PTBP3: variants seen among roughly 807,000 people sequenced by gnomAD.
The protein encoded by PTBP3 is polypyrimidine tract-binding protein 3.
PTBP3 carries 20 observed loss-of-function variants against 58.7 expected under a neutral mutation model. The observed-to-expected ratio is 0.34, with a 90% CI of 0.24 to 0.50. PTBP3 has a LOEUF of 0.50. PTBP3 is among the 20% of genes least tolerant of loss of function. The probability of loss-of-function intolerance (pLI) is 0.98; values close to 1 mark genes in which losing one functional copy is unlikely to be tolerated. For synonymous variants in PTBP3, 185 were observed against 219.8 expected (o/e 0.84, Z 1.40); for missense variants, 509 against 637.2 (o/e 0.80, Z 2.17).
At chr9:112,294,341 A>T (rs1219549360) in intron 2 of PTBP3, among the ~76,000 whole-genome samples, 5 of 152,162 alleles carry the variant, frequency 3.3e-5, no homozygotes, top group Non-Finnish European at 7.4e-5. Context: ...CAACATAGTA[A>T]GGCCCCATCT....
chr9:112,370,970 T>C, the PTBP3 span, among the ~76,000 whole-genome samples: 1 of 152,184 alleles, frequency 6.6e-6, no homozygotes, highest in Non-Finnish European at 1.5e-5. Context: ...ATATTCTGCC[T>C]CCTACAACCT....
chr9:112,268,575 G>A (rs1203066263), intron 3 of PTBP3, among the ~76,000 whole-genome samples: 5 of 151,518 alleles, frequency 3.3e-5, no homozygotes, highest in Non-Finnish European at 7.4e-5. Context: ...ACATGGCTGT[G>A]GTCCCAGCTA....
At chr9:112,275,643 G>A (rs1234073649) in intron 3 of PTBP3, among the ~76,000 whole-genome samples, 2 of 152,060 alleles carry the variant, frequency 1.3e-5, no homozygotes, top group Middle Eastern at 3.4e-3. Context: ...ATAAGTCAAT[G>A]GATAAGAGAA....
upstream of PTBP3, among the ~76,000 whole-genome samples, chr9:112,336,408 C>T (rs935525943): frequency 1.1e-4 from 17 of 151,712 alleles, no homozygotes; most frequent in African/African-American, 4.1e-4. Flanking sequence ...CCTTTATAGC[C>T]TTTATAATTC....
At chr9:112,269,763 T>A (rs1436284705) in intron 3 of PTBP3, among the ~76,000 whole-genome samples, 2 of 152,222 alleles carry the variant, frequency 1.3e-5, no homozygotes, top group Non-Finnish European at 2.9e-5. Context: ...CTGAAAAGCA[T>A]CCTTGTAAAA....
intron 3 of PTBP3, among the ~76,000 whole-genome samples, chr9:112,271,801 T>A (rs568593554): frequency 1.4e-4 from 22 of 152,260 alleles, no homozygotes; most frequent in Non-Finnish European, 2.5e-4. Context: ...GAATATTTTT[T>A]AAAAATAAGG....
At position 112,222,991 on chromosome 9, in the gene PTBP3, A is replaced by G; in HGVS notation, c.*860T>C. On this transcript the variant is annotated 3_prime_UTR_variant, in exon 14 of 14. Coordinates refer to ENST00000374257, the MANE Select transcript of PTBP3 (RefSeq NM_001163788.4). ...ACTGTAAACTTTTTTTCTGAAAACAATTATAAAAAAGTAGTTTATAAGTAG... is the reference window on the plus strand; with the variant it reads ...ACTGTAAACTTTTTTTCTGAAAACAGTTATAAAAAAGTAGTTTATAAGTAG... 1.2e-6 allele frequency: 1 copy of G among 849,684 alleles called. No homozygotes were observed. Among genetic ancestry groups the G allele is most frequent in the Non-Finnish European group, 1.4e-6 (1 of 706,136 alleles). 52.6% of individuals were successfully genotyped at this position (849,684 alleles called of 1,614,324 possible).
the PTBP3 span, among the ~76,000 whole-genome samples, chr9:112,349,554 ATCTCTACATATAGTGTGC>A: frequency 5.6e-3 from 851 of 152,130 alleles, 46 homozygotes; most frequent in East Asian, 0.14. Flanking sequence ...ATTTGACACT[ATCTCTACATATAGTGTGC>A]AATTTACCAG....
Position 112,222,117 on chromosome 9 carries a change from C to A in PTBP3, c.*1734G>T, listed in dbSNP as rs1337909051. Reference sequence around the variant, plus strand: ...CATGCCCAGCAAGATATTCTTTATTCTTTTAAAAGTTGAGATGAGACACTT... The same window carrying A: ...CATGCCCAGCAAGATATTCTTTATTATTTTAAAAGTTGAGATGAGACACTT... On this transcript the variant is annotated 3_prime_UTR_variant, in exon 14 of 14. Coordinates refer to ENST00000374257, the MANE Select transcript of PTBP3 (RefSeq NM_001163788.4). The A allele has an allele frequency of 4.1e-6, 4 of 985,576 alleles. No homozygotes were observed. Among genetic ancestry groups the A allele is most frequent in the Non-Finnish European group, 4.8e-6 (4 of 829,706 alleles). The allele number at this position is 985,576 out of a possible 1,614,324, so 61.1% of individuals were successfully genotyped here. A position where few individuals can be genotyped will look rare whatever the true frequency, so the allele number is the denominator to read the frequency against.
At chr9:112,329,934 T>G (rs576913088) in intron 1 of PTBP3, among the ~76,000 whole-genome samples, 2 of 150,396 alleles carry the variant, frequency 1.3e-5, no homozygotes, top group East Asian at 3.9e-4. Flanking sequence ...CAGCCTTGAC[T>G]TCCCGGGCTC....
intron 1 of PTBP3, among the ~76,000 whole-genome samples, chr9:112,315,946 T>C (rs1829686815): frequency 6.6e-6 from 1 of 152,202 alleles, no homozygotes; most frequent in Admixed American, 6.5e-5. Context: ...GATAAAAATT[T>C]TGAGATAGTG....
chr9:112,280,947 C>A (rs913656140), intron 2 of PTBP3: 1 of 152,056 alleles, frequency 6.6e-6, no homozygotes, highest in African/African-American at 2.4e-5. Context: ...TGGGCAGCTT[C>A]ATATTGATGC....
At chr9:112,359,673 G>A in the PTBP3 span, among the ~76,000 whole-genome samples, 1 of 152,058 alleles carries the variant, frequency 6.6e-6, no homozygotes, top group Non-Finnish European at 1.5e-5. Flanking sequence ...CATGGTGGCA[G>A]GTGCCTGTAA....
chr9:112,280,594 G>A (rs1827813096), intron 2 of PTBP3, among the ~76,000 whole-genome samples: 1 of 152,170 alleles, frequency 6.6e-6, no homozygotes, highest in South Asian at 2.1e-4. Context: ...TATCACAAAA[G>A]GAGTTGAATT....
intron 2 of PTBP3, among the ~76,000 whole-genome samples, chr9:112,277,177 T>C (rs1020111005): frequency 2.0e-5 from 3 of 152,164 alleles, no homozygotes; most frequent in Non-Finnish European, 4.4e-5. Flanking sequence ...AAACTAGCAC[T>C]TGCTCCCAAA....
intron 4 of PTBP3, 136 bp downstream of exon 4, chr9:112,267,913 A>T (rs757328909): frequency 2.1e-5 from 16 of 748,916 alleles, no homozygotes; most frequent in Non-Finnish European, 2.9e-5. Context: ...GGGGGGAAGA[A>T]TTTACATATA....
At chr9:112,315,720 C>T (rs192991004) in intron 1 of PTBP3, among the ~76,000 whole-genome samples, 5 of 152,202 alleles carry the variant, frequency 3.3e-5, no homozygotes, top group African/African-American at 9.7e-5. Context: ...CAAATAGCTA[C>T]ACTGATGAAT....
At chr9:112,369,898 C>A in the PTBP3 span, among the ~76,000 whole-genome samples, 3 of 152,060 alleles carry the variant, frequency 2.0e-5, no homozygotes, top group Admixed American at 1.3e-4. Context: ...GGCCAGTTTT[C>A]CCATGCTTTT....
Position 112,317,126 on chromosome 9 carries a change from T to G in PTBP3, c.-52+16344A>C, listed in dbSNP as rs561726852. The stretch of plus-strand genomic sequence containing the variant: ...AAAACCCCATCTCTACAAAAAATGT[T>G]TTTAAAACATTAGCTGGGCACGGTG... On this transcript the variant is annotated intron_variant, in intron 1 of 13. Coordinates refer to ENST00000374257, the MANE Select transcript of PTBP3 (RefSeq NM_001163788.4). Among the ~76,000 whole-genome samples the G allele has an allele frequency of 2.6e-5, 4 of 151,436 alleles. No individual in the cohort carries two copies. In the South Asian group the frequency reaches 8.4e-4, roughly 32 times the overall value.
Sources: gnomAD v4.1 joint callset for allele counts (sites outside exome capture counted in the v4.1 genomes callset) on GRCh38, gnomAD v4.1.1 for gene constraint, MANE v1.5 for transcripts, NCBI Gene and HGNC (gene_info 2026-07-23, HGNC 2026-07-21) for gene names.